The following GPC5 variants were observed in gnomAD, a reference collection of about 807,000 sequenced individuals.
The protein encoded by GPC5 is glypican 5, also known as glypican-5.
A neutral mutation model predicts 53.9 loss-of-function variants in GPC5; 47 were observed. The ratio of observed to expected loss-of-function variants is 0.87; its 90% CI spans 0.69 to 1.11. The LOEUF is 1.11. GPC5 is among the 50% of genes most tolerant of loss of function. The pLI is 0.00. For missense variants in GPC5, 748 were observed against 713.1 expected (o/e 1.05, Z -0.56); for synonymous variants, 286 against 263.3 (o/e 1.09, Z -0.84).
At chr13:91,711,224 G>C (rs2036218493) in intron 3 of GPC5, among the ~76,000 whole-genome samples, 1 of 152,136 alleles carries the variant, frequency 6.6e-6, no homozygotes, top group Non-Finnish European at 1.5e-5. Context: ...ATGAATGATA[G>C]ACTGGATTAA....
At chr13:91,981,946 T>C (rs1304222264) in intron 6 of GPC5, among the ~76,000 whole-genome samples, 3 of 152,044 alleles carry the variant, frequency 2.0e-5, no homozygotes, top group Non-Finnish European at 4.4e-5. Context: ...ACAGAACATA[T>C]TAGGCAATAA....
At chr13:92,343,938 A>G (rs909003421) in intron 7 of GPC5, among the ~76,000 whole-genome samples, 3 of 152,136 alleles carry the variant, frequency 2.0e-5, no homozygotes, top group Non-Finnish European at 4.4e-5. Flanking sequence ...ATTTTGGGAC[A>G]AATGGTGGAA....
chr13:91,575,165 C>T (rs1238810621), intron 2 of GPC5, among the ~76,000 whole-genome samples: 1 of 152,140 alleles, frequency 6.6e-6, no homozygotes, highest in African/African-American at 2.4e-5. Context: ...CTAGTTCTAT[C>T]CATCTCAAAT....
At chr13:91,728,262 AAT>A (rs1348822096) in intron 3 of GPC5, among the ~76,000 whole-genome samples, 1 of 152,170 alleles carries the variant, frequency 6.6e-6, no homozygotes, top group Non-Finnish European at 1.5e-5. Context: ...TCAGTTTATT[AAT>A]ATAGTTGTCT....
intron 7 of GPC5, among the ~76,000 whole-genome samples, chr13:92,793,598 A>T (rs1447828056): frequency 6.6e-6 from 1 of 151,988 alleles, no homozygotes; most frequent in Non-Finnish European, 1.5e-5. Flanking sequence ...TCCAGGAGCT[A>T]GTTTTTTGAA....
chr13:91,913,685 G>T (rs1297755308), intron 6 of GPC5, among the ~76,000 whole-genome samples: 1 of 152,144 alleles, frequency 6.6e-6, no homozygotes, highest in Non-Finnish European at 1.5e-5. Context: ...ACAGAGGGGA[G>T]TCATGCACCT....
At chr13:91,510,610 T>C (rs1444259019) in intron 2 of GPC5, among the ~76,000 whole-genome samples, 1 of 152,236 alleles carries the variant, frequency 6.6e-6, no homozygotes, top group East Asian at 1.9e-4. Flanking sequence ...TTAATTTGTC[T>C]TTGGGAAAAA....
At chr13:91,417,877 C>T (rs896710463) in intron 1 of GPC5, among the ~76,000 whole-genome samples, 1 of 152,096 alleles carries the variant, frequency 6.6e-6, no homozygotes, top group Non-Finnish European at 1.5e-5. Flanking sequence ...CATTTTTATT[C>T]TGATACTTTT....
chr13:92,087,420 A>G (rs1270256587), intron 6 of GPC5, among the ~76,000 whole-genome samples: 1 of 152,198 alleles, frequency 6.6e-6, no homozygotes, highest in African/African-American at 2.4e-5. Flanking sequence ...ATAAATATTT[A>G]TCATCTAAGT....
chr13:92,307,172 G>A (rs1450348274), intron 7 of GPC5, among the ~76,000 whole-genome samples: 1 of 152,138 alleles, frequency 6.6e-6, no homozygotes, highest in Non-Finnish European at 1.5e-5. Flanking sequence ...CATTTGCTCA[G>A]CCATTAGATT....
chr13:92,293,422 C>CTT lies in GPC5; in HGVS notation c.1561+148459_1561+148460dup, dbSNP rs748125673. 6.1e-4 allele frequency among the ~76,000 whole-genome samples: 47 copies of CTT among 77,282 alleles called. 3 individuals are homozygous for CTT. Among genetic ancestry groups the CTT allele is most frequent in the African/African-American group, 1.1e-3 (20 of 17,850 alleles). The allele number at this position is 77,282 out of a possible 152,430, so 50.7% of individuals were successfully genotyped here. A position where few individuals can be genotyped will look rare whatever the true frequency, so the allele number is the denominator to read the frequency against. On this transcript the variant is annotated intron_variant, in intron 7 of 7. Coordinates refer to ENST00000377067, the MANE Select transcript of GPC5 (RefSeq NM_004466.6). ...ACTCCTAAGGTTGGTTGGTTGGTTTCTTTTTTTTTTTTTTTTTTTTTTTTT... is the reference window on the plus strand; with the variant it reads ...ACTCCTAAGGTTGGTTGGTTGGTTTCTTTTTTTTTTTTTTTTTTTTTTTTTTT...
At chr13:92,648,550 T>A (rs1374443049) in intron 7 of GPC5, among the ~76,000 whole-genome samples, 1 of 152,118 alleles carries the variant, frequency 6.6e-6, no homozygotes, top group African/African-American at 2.4e-5. Context: ...GTTATTTCAA[T>A]GTTTTTGCCC....
chr13:91,618,604 G>C (rs2033764465), intron 2 of GPC5, among the ~76,000 whole-genome samples: 1 of 151,924 alleles, frequency 6.6e-6, no homozygotes, highest in Non-Finnish European at 1.5e-5. Context: ...GTAAGCTATT[G>C]GGCCTTTAGA....
At chr13:91,590,860 A>G (rs576835926) in intron 2 of GPC5, among the ~76,000 whole-genome samples, 1 of 152,332 alleles carries the variant, frequency 6.6e-6, no homozygotes, top group Non-Finnish European at 1.5e-5. Context: ...ATTAATTTAT[A>G]TGATTGAACC....
At chr13:91,775,975 G>C (rs572359910) in intron 5 of GPC5, among the ~76,000 whole-genome samples, 227 of 152,314 alleles carry the variant, frequency 1.5e-3, no homozygotes, top group Non-Finnish European at 2.7e-3. Context: ...GTGCATCGTT[G>C]TGTCTGCCAC....
At chr13:91,698,328 C>T (rs2035925537) in intron 3 of GPC5, among the ~76,000 whole-genome samples, 2 of 152,110 alleles carry the variant, frequency 1.3e-5, no homozygotes, top group Non-Finnish European at 2.9e-5. Context: ...TCAAAAATGA[C>T]TTTACGGTGA....
intron 7 of GPC5, among the ~76,000 whole-genome samples, chr13:92,828,240 C>T (rs1210893936): frequency 6.6e-6 from 1 of 152,118 alleles, no homozygotes; most frequent in Non-Finnish European, 1.5e-5. Flanking sequence ...AAAGAAGCTG[C>T]TCCCCCACCA....
intron 5 of GPC5, among the ~76,000 whole-genome samples, chr13:91,780,124 A>G (rs1378717867): frequency 6.6e-6 from 1 of 152,212 alleles, no homozygotes; most frequent in Non-Finnish European, 1.5e-5. Flanking sequence ...CTACGGTGTC[A>G]CTAGGCTATA....
At chr13:92,711,377 T>C (rs1888136008) in intron 7 of GPC5, among the ~76,000 whole-genome samples, 1 of 152,176 alleles carries the variant, frequency 6.6e-6, no homozygotes, top group African/African-American at 2.4e-5. Context: ...ACTAAAGTGT[T>C]GTTTGCATTA....
Sources: allele counts gnomAD v4.1 joint callset (sites outside exome capture counted in the v4.1 genomes callset), GRCh38; gene constraint gnomAD v4.1.1; transcripts MANE v1.5; gene names NCBI Gene and HGNC (gene_info 2026-07-23, HGNC 2026-07-21).